The following CCDC39 variants were observed in gnomAD, a reference collection of about 807,000 sequenced individuals.
CCDC39 encodes the protein coiled-coil domain 39 molecular ruler complex subunit, also known as coiled-coil domain-containing protein 39.
A neutral mutation model predicts 121.0 loss-of-function variants in CCDC39; 113 were observed. The observed-to-expected ratio is 0.93, with a 90% CI of 0.80 to 1.09. The LOEUF (loss-of-function observed/expected upper bound fraction) is 1.09, where lower values mean the gene tolerates loss of function less well. Ranked by LOEUF, CCDC39 falls within the 50% of genes least tolerant of loss-of-function variation. The pLI is 0.00. For missense variants in CCDC39, 1,063 were observed against 1,074.7 expected (o/e 0.99, Z 0.15); for synonymous variants, 349 against 352.2 (o/e 0.99, Z 0.10).
intron 6 of CCDC39, among the ~76,000 whole-genome samples, chr3:180,658,671 A>G (rs1475568882): frequency 6.6e-6 from 1 of 152,148 alleles, no homozygotes; most frequent in African/African-American, 2.4e-5. Context: ...AGGGAGGTAT[A>G]ACCAGTTTTG....
intron 14 of CCDC39, among the ~76,000 whole-genome samples, chr3:180,620,851 A>G (rs1287151675): frequency 6.6e-6 from 1 of 152,024 alleles, no homozygotes; most frequent in Non-Finnish European, 1.5e-5. Context: ...CTAGTGTACT[A>G]CCTATCATTG....
At chr3:180,660,509 A>G in intron 4 of CCDC39, 61 bp downstream of exon 4, 1 of 1,375,568 alleles carries the variant, frequency 7.3e-7, no homozygotes, top group Non-Finnish European at 9.7e-7. Context: ...ACTTTAGGTA[A>G]ATAGGTTGAC....
intron 17 of CCDC39, 63 bp downstream of exon 17, chr3:180,616,763 A>C: frequency 1.3e-6 from 2 of 1,582,930 alleles, no homozygotes; most frequent in Non-Finnish European, 1.7e-6. Context: ...TTAATAGATG[A>C]AGGAGGATTT....
intron 13 of CCDC39, among the ~76,000 whole-genome samples, chr3:180,636,408 A>T (rs1717829455): frequency 6.6e-6 from 1 of 151,782 alleles, no homozygotes; most frequent in East Asian, 1.9e-4. Context: ...GGGAGGTGAA[A>T]GATCTCTACA....
At chr3:180,648,602 T>C (rs1718129105) in intron 9 of CCDC39, among the ~76,000 whole-genome samples, 1 of 152,150 alleles carries the variant, frequency 6.6e-6, no homozygotes, top group African/African-American at 2.4e-5. Context: ...CTTAATTTCA[T>C]CCCATGCTAC....
chr3:180,620,408 C>T (rs1217271125), intron 14 of CCDC39, among the ~76,000 whole-genome samples: 1 of 151,674 alleles, frequency 6.6e-6, no homozygotes, highest in Non-Finnish European at 1.5e-5. Flanking sequence ...TATTTTGCCA[C>T]AATTTTAAAA....
intron 14 of CCDC39, among the ~76,000 whole-genome samples, chr3:180,622,575 A>G (rs529613720): frequency 5.9e-5 from 9 of 152,070 alleles, no homozygotes; most frequent in African/African-American, 1.9e-4. Context: ...TATTATTTTG[A>G]GGTATGTTCC....
intron 13 of CCDC39, among the ~76,000 whole-genome samples, chr3:180,632,985 A>G (rs1045571167): frequency 1.3e-5 from 2 of 152,236 alleles, no homozygotes; most frequent in African/African-American, 4.8e-5. Context: ...AGGTAAAAAC[A>G]TGACAGTGGA....
intron 1 of CCDC39, among the ~76,000 whole-genome samples, chr3:180,670,270 T>C (rs908151003): frequency 6.6e-6 from 1 of 152,052 alleles, no homozygotes; most frequent in African/African-American, 2.4e-5. Flanking sequence ...TGTACAAGTA[T>C]TATCATGTAA....
Position 180,659,489 on chromosome 3 carries a change from A to G in CCDC39, c.701T>C (p.Met234Thr). ...IKQWENTIEQ[M>T]QKRDGDIDNC... ...ATCTATGTCTCCATCCCTCTTCTGC[A>G]TCTGTTCTATTGTGTTCTCCCATTG... The change falls in exon 6 of 20, where the codon ATG (methionine) becomes ACG (threonine). Residue 234 changes from methionine (M) to threonine (T), a missense_variant. Transcript: ENST00000476379. 6.2e-7 allele frequency: 1 copy of G among 1,613,592 alleles called. No individual in the cohort carries two copies. The highest frequency in any genetic ancestry group is 8.5e-7 in the Non-Finnish European group (1 of 1,179,694).
chr3:180,614,896 A>G lies in CCDC39; in HGVS notation c.*25T>C, dbSNP rs1453278514. The G allele has an allele frequency of 1.3e-6, 2 of 1,539,690 alleles. No homozygotes were observed. The highest frequency in any genetic ancestry group is 2.4e-5 in the East Asian group (1 of 41,108). On this transcript the variant is annotated 3_prime_UTR_variant, in exon 20 of 20. Transcript: ENST00000476379. ...GTATATTTTTGTTTTTGTGTTTACA[A>G]CTTTTTCAGAAGAGATTAAAATGTT...
chr3:180,664,121 GACTAGGTAGCTTAA>G, intron 1 of CCDC39, 135 bp from the exon 2 acceptor site: 1 of 731,522 alleles, frequency 1.4e-6, no homozygotes, highest in East Asian at 2.8e-5. Context: ...AAATATCATA[GACTAGGTAGCTTAA>G]ACAAAATTTA....
intron 7 of CCDC39, among the ~76,000 whole-genome samples, chr3:180,652,956 A>G (rs187864503): frequency 3.0e-4 from 45 of 152,360 alleles, no homozygotes; most frequent in Non-Finnish European, 4.1e-4. Context: ...CCAAGGAAGA[A>G]AAAGATCTGT....
chr3:180,662,342 AAC>A (rs1430621651), intron 2 of CCDC39, among the ~76,000 whole-genome samples: 1 of 152,130 alleles, frequency 6.6e-6, no homozygotes, highest in Non-Finnish European at 1.5e-5. Context: ...TCCATTAAAA[AAC>A]AGTTGAGAAA....
At chr3:180,659,204 CTCTT>C in intron 6 of CCDC39, among the ~76,000 whole-genome samples, 1 of 152,306 alleles carries the variant, frequency 6.6e-6, no homozygotes, top group East Asian at 1.9e-4. Context: ...TATCTACTGA[CTCTT>C]TCTTGTTCCG....
At chr3:180,654,147 T>C (rs1198787146) in intron 7 of CCDC39, among the ~76,000 whole-genome samples, 1 of 142,048 alleles carries the variant, frequency 7.0e-6, no homozygotes, top group African/African-American at 2.6e-5. Context: ...TTTCAGTAAA[T>C]GTGTCAAGAA....
intron 13 of CCDC39, among the ~76,000 whole-genome samples, chr3:180,632,021 G>A (rs1717708948): frequency 6.6e-6 from 1 of 152,104 alleles, no homozygotes; most frequent in South Asian, 2.1e-4. Flanking sequence ...TACATCCCAT[G>A]GGAGCAAGAA....
In CCDC39 at chr3:180,614,865, T is replaced by C; in HGVS notation, c.*56A>G. 1 of 1,480,804 alleles carries C rather than the reference T, an allele frequency of 6.8e-7. No individual in the cohort carries two copies. Among genetic ancestry groups the C allele is most frequent in the East Asian group, 2.5e-5 (1 of 40,138 alleles). 91.7% of individuals were successfully genotyped at this position (1,480,804 alleles called of 1,614,324 possible). A position where few individuals can be genotyped will look rare whatever the true frequency, so the allele number is the denominator to read the frequency against. ...TAAAATGTGTTGGGTCGTTTTGTAT[T>C]TTAAAGTATATTTTTGTTTTTGTGT... On this transcript the variant is annotated 3_prime_UTR_variant, in exon 20 of 20. Coordinates refer to ENST00000476379, the MANE Select transcript of CCDC39 (RefSeq NM_181426.2).
intron 4 of CCDC39, among the ~76,000 whole-genome samples, chr3:180,660,177 C>G (rs1027297751): frequency 1.3e-5 from 2 of 151,992 alleles, no homozygotes; most frequent in African/African-American, 4.8e-5. Context: ...ACTACAGTCT[C>G]AAATCAGCAA....
Sources: gnomAD v4.1 joint callset for allele counts (sites outside exome capture counted in the v4.1 genomes callset) on GRCh38, gnomAD v4.1.1 for gene constraint, MANE v1.5 for transcripts, NCBI Gene and HGNC (gene_info 2026-07-23, HGNC 2026-07-21) for gene names.